The following IQCJ variants were observed in gnomAD, a reference collection of about 807,000 sequenced individuals.
IQCJ encodes the protein IQ motif containing J.
IQCJ carries 9 observed loss-of-function variants against 11.0 expected under a neutral mutation model. The ratio of observed to expected loss-of-function variants is 0.82; its 90% CI spans 0.49 to 1.43. The LOEUF (loss-of-function observed/expected upper bound fraction) is 1.43. IQCJ is among the 40% of genes most tolerant of loss of function. IQCJ has a pLI of 0.00. For synonymous variants in IQCJ, 55 were observed against 51.3 expected, an observed-to-expected ratio of 1.07 and a Z score of -0.31; for missense variants, 146 against 133.2, an observed-to-expected ratio of 1.10 and a Z score of -0.47.
At chr3:159,231,654 T>C (rs1474390356) in intron 1 of IQCJ, among the ~76,000 whole-genome samples, 1 of 152,184 alleles carries the variant, frequency 6.6e-6, no homozygotes. Flanking sequence ...TAAAATGAGT[T>C]AGGGAGGAGT....
intron 1 of IQCJ, among the ~76,000 whole-genome samples, chr3:159,213,273 C>A (rs1463948188): frequency 6.6e-6 from 1 of 152,186 alleles, no homozygotes; most frequent in African/African-American, 2.4e-5. Flanking sequence ...AATCAGAAAT[C>A]AACATAGCAG....
chr3:159,232,988 C>T (rs1225208857), intron 1 of IQCJ, among the ~76,000 whole-genome samples: 1 of 152,170 alleles, frequency 6.6e-6, no homozygotes, highest in Non-Finnish European at 1.5e-5. Flanking sequence ...ATATATAATG[C>T]TCTCCTAGAG....
intron 1 of IQCJ, among the ~76,000 whole-genome samples, chr3:159,197,930 T>C (rs1560022254): frequency 1.3e-5 from 2 of 152,128 alleles, no homozygotes; most frequent in Non-Finnish European, 2.9e-5. Context: ...TTTACTATTA[T>C]AGCACACACA....
intron 1 of IQCJ, among the ~76,000 whole-genome samples, chr3:159,234,675 A>G (rs1325468368): frequency 6.6e-6 from 1 of 152,166 alleles, no homozygotes; most frequent in Non-Finnish European, 1.5e-5. Flanking sequence ...GTACTTAAAG[A>G]AAAGCAATTA....
chr3:159,130,331 C>G (rs996656556), intron 1 of IQCJ, among the ~76,000 whole-genome samples: 2 of 152,006 alleles, frequency 1.3e-5, no homozygotes, highest in Non-Finnish European at 2.9e-5. Flanking sequence ...AATGCAAGTT[C>G]CTAGGAATTG....
In IQCJ at chr3:159,088,255, CT is replaced by C. The variant is rs1407193196; in HGVS notation, c.9+18815del. ...TGAGTGAGATTCTTAATCCTGAGTTCTAGTTTGATTGCACTGTGGTCTGAGA... is the reference window on the plus strand; with the variant it reads ...TGAGTGAGATTCTTAATCCTGAGTTCAGTTTGATTGCACTGTGGTCTGAGA... On this transcript the variant is annotated intron_variant, in intron 1 of 3. Transcript: ENST00000397832. 2.0e-5 allele frequency among the ~76,000 whole-genome samples: 3 copies of C among 152,120 alleles called. No homozygotes were observed. The East Asian group carries it at 5.8e-4, about 29-fold the overall frequency.
At chr3:159,229,337 A>C (rs1726053155) in intron 1 of IQCJ, among the ~76,000 whole-genome samples, 2 of 152,070 alleles carry the variant, frequency 1.3e-5, no homozygotes, top group Admixed American at 1.3e-4. Flanking sequence ...CTCCATTGTC[A>C]TGCATATAAC....
In IQCJ at chr3:159,205,403, C is replaced by T. The variant is rs185166676; in HGVS notation, c.10-40440C>T. On this transcript the variant is annotated intron_variant, in intron 1 of 3. Coordinates refer to ENST00000397832, the MANE Select transcript of IQCJ (RefSeq NM_001042706.3). ...ACAACATACTCAGAGTACTGCCAAC[C>T]AGGAAACTGTATCCAAGCCTCAATG... is the stretch of plus-strand genomic sequence containing the variant. Among the ~76,000 whole-genome samples, 4 of 152,270 alleles carry T rather than the reference C, an allele frequency of 2.6e-5. No homozygotes were observed. In the East Asian group the frequency reaches 7.7e-4, roughly 29 times the overall value.
At chr3:159,147,509 C>T (rs754074486) in intron 1 of IQCJ, among the ~76,000 whole-genome samples, 6 of 152,174 alleles carry the variant, frequency 3.9e-5, no homozygotes, top group Non-Finnish European at 8.8e-5. Context: ...GAACTTTATA[C>T]TCTCAATAGC....
chr3:159,228,964 A>T (rs540902747), intron 1 of IQCJ, among the ~76,000 whole-genome samples: 1 of 152,360 alleles, frequency 6.6e-6, no homozygotes, highest in African/African-American at 2.4e-5. Context: ...ACTAGACATG[A>T]TGTGGTACTC....
intron 1 of IQCJ, among the ~76,000 whole-genome samples, chr3:159,152,475 A>G (rs1383254383): frequency 6.6e-6 from 1 of 152,064 alleles, no homozygotes; most frequent in Non-Finnish European, 1.5e-5. Context: ...ACTAGGAGAG[A>G]CCATGGGTTA....
chr3:159,220,755 T>C (rs967372919), intron 1 of IQCJ, among the ~76,000 whole-genome samples: 1 of 152,164 alleles, frequency 6.6e-6, no homozygotes, highest in African/African-American at 2.4e-5. Context: ...ACATTCACCT[T>C]GTGGTTTTAG....
chr3:159,261,269 A>G (rs1030668630), intron 3 of IQCJ, among the ~76,000 whole-genome samples: 10 of 152,222 alleles, frequency 6.6e-5, no homozygotes, highest in Non-Finnish European at 1.0e-4. Flanking sequence ...AACTATTTTA[A>G]AAGGCTGAAT....
Position 159,263,155 on chromosome 3 carries a change from G to T in IQCJ, c.*424G>T, listed in dbSNP as rs1034667669. ...CAGGTAAGTCACCCTCATGACTGAG[G>T]TGGCTGAGCTGTGCCCCTGGCTACA... On this transcript the variant is annotated 3_prime_UTR_variant, in exon 4 of 4. Transcript: ENST00000397832. The T allele has an allele frequency of 4.0e-5, 32 of 793,096 alleles. No homozygotes were observed. Among genetic ancestry groups the T allele is most frequent in the Non-Finnish European group, 4.9e-5 (32 of 653,392 alleles). The allele number at this position is 793,096 out of a possible 1,614,324, so 49.1% of individuals were successfully genotyped here. A position where few individuals can be genotyped will look rare whatever the true frequency, so the allele number is the denominator to read the frequency against.
At chr3:159,225,037 A>G (rs1725771810) in intron 1 of IQCJ, among the ~76,000 whole-genome samples, 1 of 152,180 alleles carries the variant, frequency 6.6e-6, no homozygotes, top group Admixed American at 6.5e-5. Context: ...TATCTCATAA[A>G]AATAGAAAGT....
intron 1 of IQCJ, among the ~76,000 whole-genome samples, chr3:159,200,778 C>A (rs1047215293): frequency 6.6e-6 from 1 of 152,170 alleles, no homozygotes; most frequent in Non-Finnish European, 1.5e-5. Context: ...CATAGCAAGA[C>A]TACACTCAAG....
chr3:159,162,712 T>C (rs1721937145), intron 1 of IQCJ, among the ~76,000 whole-genome samples: 1 of 152,082 alleles, frequency 6.6e-6, no homozygotes. Context: ...AAGAATCAAA[T>C]AGACGCAATA....
At chr3:159,133,935 C>T (rs928810773) in intron 1 of IQCJ, among the ~76,000 whole-genome samples, 13 of 151,602 alleles carry the variant, frequency 8.6e-5, no homozygotes, top group African/African-American at 3.1e-4. Context: ...TCCCAGTATG[C>T]AATCAAGGTA....
intron 1 of IQCJ, among the ~76,000 whole-genome samples, chr3:159,083,501 G>A (rs561915448): frequency 1.3e-5 from 2 of 152,240 alleles, no homozygotes; most frequent in Admixed American, 1.3e-4. Context: ...GGACCACTCA[G>A]ACACTGGTGA....
Sources: allele counts gnomAD v4.1 joint callset (sites outside exome capture counted in the v4.1 genomes callset), GRCh38; gene constraint gnomAD v4.1.1; transcripts MANE v1.5; gene names NCBI Gene and HGNC (gene_info 2026-07-23, HGNC 2026-07-21).